The following SCGB2B2 variants were observed in gnomAD, a reference collection of about 807,000 sequenced individuals.
SCGB2B2 encodes the protein secretoglobin-like protein.
In SCGB2B2, 11 loss-of-function variants were observed where a neutral mutation model predicts 7.6. The ratio of observed to expected loss-of-function variants is 1.45; its 90% CI spans 0.91 to 2.40. The LOEUF (loss-of-function observed/expected upper bound fraction) is 2.40, where lower values mean the gene tolerates loss of function less well. Ranked by LOEUF, SCGB2B2 falls within the 30% of genes most tolerant of loss-of-function variation. SCGB2B2 has a pLI of 0.00. For synonymous variants in SCGB2B2, 50 were observed against 48.6 expected, an observed-to-expected ratio of 1.03 and a Z score of -0.12; for missense variants, 104 against 115.4, an observed-to-expected ratio of 0.90 and a Z score of 0.45.
rs144211814 is a variant in SCGB2B2, at chr19:34,591,631, C to A, written c.*1924G>T. Among the ~76,000 whole-genome samples the A allele has an allele frequency of 4.6e-5, 7 of 152,348 alleles. No homozygotes were observed. The highest frequency in any genetic ancestry group is 1.7e-4 in the African/African-American group (7 of 41,572). On this transcript the variant is annotated 3_prime_UTR_variant, in exon 4 of 4. Coordinates refer to ENST00000601241, the MANE Select transcript of SCGB2B2 (RefSeq NM_001025591.4). ...ACCTGGCACTTGCCTCGTTTTCTGA[C>A]GTGACCTCCTTCCCTGCTGCCCCTT...
chr19:34,670,161 G>C (rs925440230), intron 1 of SCGB2B2, among the ~76,000 whole-genome samples: 8 of 152,178 alleles, frequency 5.3e-5, no homozygotes, highest in Non-Finnish European at 1.2e-4. Context: ...AGGTGCTCCA[G>C]GTCGAGCGTT....
chr19:34,650,906 T>A (rs995590976), intron 1 of SCGB2B2, among the ~76,000 whole-genome samples: 1 of 151,250 alleles, frequency 6.6e-6, no homozygotes, highest in African/African-American at 2.5e-5. Context: ...TCATTCCCCA[T>A]GACCAAGTGG....
chr19:34,597,203 C>A (rs537427654), intron 1 of SCGB2B2, among the ~76,000 whole-genome samples: 1 of 152,214 alleles, frequency 6.6e-6, no homozygotes, highest in South Asian at 2.1e-4. Context: ...GAAGTTCCTG[C>A]CTGTGTCACA....
chr19:34,630,786 A>T (rs1303300168), intron 1 of SCGB2B2, among the ~76,000 whole-genome samples: 1 of 152,152 alleles, frequency 6.6e-6, no homozygotes, highest in African/African-American at 2.4e-5. Context: ...AGGATTATAA[A>T]TCATGCTGCT....
At chr19:34,587,958 C>T (rs375355535), downstream of SCGB2B2, among the ~76,000 whole-genome samples, 12 of 152,122 alleles carry the variant, frequency 7.9e-5, no homozygotes, top group East Asian at 1.3e-3. Flanking sequence ...TTTGCATCCA[C>T]GTTTATCAGT....
chr19:34,666,335 C>T (rs541373649), intron 1 of SCGB2B2, among the ~76,000 whole-genome samples: 43 of 152,234 alleles, frequency 2.8e-4, no homozygotes, highest in African/African-American at 1.0e-3. Flanking sequence ...CCTCAGGTAC[C>T]AAACACCCCA....
In SCGB2B2 at chr19:34,662,955, CAAACAA is replaced by C. The variant is rs531140013; in HGVS notation, c.-2032+12669_-2032+12674del. ...CCAAAAAAACAAACAAACAAACAAACAAACAAAAAAAAACAATAAAAGTGCGGAAAA... is the reference window on the plus strand; with the variant it reads ...CCAAAAAAACAAACAAACAAACAAACAAAAAAACAATAAAAGTGCGGAAAA... On this transcript the variant is annotated intron_variant, in intron 1 of 3. Transcript: ENST00000601241. 2.2e-3 allele frequency among the ~76,000 whole-genome samples: 318 copies of C among 146,382 alleles called. 2 individuals carry two copies. Among genetic ancestry groups the C allele is most frequent in the African/African-American group, 8.1e-3 (307 of 37,936 alleles).
At chr19:34,588,691 C>A (rs1188631956), downstream of SCGB2B2, among the ~76,000 whole-genome samples, 1 of 152,198 alleles carries the variant, frequency 6.6e-6, no homozygotes, top group Non-Finnish European at 1.5e-5. Flanking sequence ...ATGTCCTGTG[C>A]ACTCAACCAA....
At chr19:34,648,865 TTTGGA>T (rs10557328) in intron 1 of SCGB2B2, among the ~76,000 whole-genome samples, 25,456 of 151,430 alleles carry the variant, frequency 0.17, 2,271 homozygotes, top group East Asian at 0.28. Context: ...TCAGTTTCTC[TTTGGA>T]TTGTTCTTTT....
chr19:34,629,761 A>T (rs916077735), intron 1 of SCGB2B2, among the ~76,000 whole-genome samples: 16 of 151,874 alleles, frequency 1.1e-4, no homozygotes, highest in African/African-American at 3.9e-4. Context: ...AGAATTGGAA[A>T]AAACTAAAGT....
chr19:34,636,974 G>A (rs1287865745), intron 1 of SCGB2B2, among the ~76,000 whole-genome samples: 1 of 152,162 alleles, frequency 6.6e-6, no homozygotes, highest in African/African-American at 2.4e-5. Flanking sequence ...GACAGCAGGA[G>A]CGCAGAGTAA....
chr19:34,659,897 C>T (rs1306229395), intron 1 of SCGB2B2, among the ~76,000 whole-genome samples: 1 of 152,120 alleles, frequency 6.6e-6, no homozygotes, highest in Admixed American at 6.5e-5. Context: ...TACAATGCTA[C>T]AGTAACCAAA....
At position 34,594,219 on chromosome 19, in the gene SCGB2B2, C is replaced by G. The variant is rs375656366; in HGVS notation, c.202G>C (p.Ala68Pro). The change falls in exon 3 of 4, where the codon GCC becomes CCC. Residue 68 changes from alanine to proline, a missense_variant. Physicochemically the swap from Ala to Pro is conservative, Grantham distance 27 (BLOSUM62 -1). Coordinates refer to ENST00000601241, the MANE Select transcript of SCGB2B2 (RefSeq NM_001025591.4). ...ESFLNVQQCF[A>P]NVSVTERFAH... Reference sequence around the variant, plus strand: ...AATCTTTCTGTCACGGAGACATTGGCAAAGCATTGCTGGACATTGAGGAAG... The same window carrying G: ...AATCTTTCTGTCACGGAGACATTGGGAAAGCATTGCTGGACATTGAGGAAG... 1 of 1,614,136 alleles carries G rather than the reference C, an allele frequency of 6.2e-7. No homozygotes were observed. Among genetic ancestry groups the G allele is most frequent in the South Asian group, 1.1e-5 (1 of 91,086 alleles).
intron 1 of SCGB2B2, among the ~76,000 whole-genome samples, chr19:34,622,934 A>G (rs1304978000): frequency 8.8e-6 from 1 of 113,156 alleles, no homozygotes; most frequent in South Asian, 2.7e-4. Flanking sequence ...TTTTTTTTTT[A>G]TTATCTATTA....
rs560298885 is a variant in SCGB2B2, at chr19:34,593,500, G to A, written c.*55C>T. On this transcript the variant is annotated 3_prime_UTR_variant, in exon 4 of 4. Transcript: ENST00000601241. Reference sequence around the variant, plus strand: ...ATGAACAGAGCCAGGCCAGGAACGCGGGGAGCCCCAAGGAAGGCAGGAGGG... The same window carrying A: ...ATGAACAGAGCCAGGCCAGGAACGCAGGGAGCCCCAAGGAAGGCAGGAGGG... The A allele has an allele frequency of 2.4e-5, 33 of 1,380,998 alleles. No individual in the cohort carries two copies. In the South Asian group the frequency reaches 3.6e-4, roughly 15 times the overall value. 85.5% of individuals were successfully genotyped at this position (1,380,998 alleles called of 1,614,324 possible).
intron 1 of SCGB2B2, among the ~76,000 whole-genome samples, chr19:34,622,989 G>A (rs1390563290): frequency 6.6e-6 from 1 of 151,008 alleles, no homozygotes; most frequent in Non-Finnish European, 1.5e-5. Flanking sequence ...AGTCCTTTGT[G>A]GCTTCTCCAA....
intron 1 of SCGB2B2, among the ~76,000 whole-genome samples, chr19:34,634,635 C>CT (rs1488729244): frequency 6.6e-6 from 1 of 152,200 alleles, no homozygotes; most frequent in Non-Finnish European, 1.5e-5. Flanking sequence ...CAAGGCCTTC[C>CT]TCCAGGGTGA....
chr19:34,628,814 C>CA (rs986643165), intron 1 of SCGB2B2, among the ~76,000 whole-genome samples: 6 of 151,332 alleles, frequency 4.0e-5, no homozygotes, highest in South Asian at 2.1e-4. Flanking sequence ...GACACAACAA[C>CA]AAAAAAAAGA....
chr19:34,648,467 A>G (rs1284713698), intron 1 of SCGB2B2, among the ~76,000 whole-genome samples: 1 of 152,224 alleles, frequency 6.6e-6, no homozygotes, highest in Non-Finnish European at 1.5e-5. Context: ...TGTTTGAAAG[A>G]ATAAGGAAAA....
Sources: allele counts gnomAD v4.1 joint callset (sites outside exome capture counted in the v4.1 genomes callset), GRCh38; gene constraint gnomAD v4.1.1; transcripts MANE v1.5; gene names NCBI Gene and HGNC (gene_info 2026-07-23, HGNC 2026-07-21).